Variants in DCLRE1B observed in about 807,000 individuals in gnomAD.
The protein encoded by DCLRE1B is DNA cross-link repair 1B.
DCLRE1B carries 6 observed loss-of-function variants against 19.8 expected under a neutral mutation model. The ratio of observed to expected loss-of-function variants is 0.30; its 90% CI spans 0.17 to 0.60. The LOEUF is 0.60. Ranked by LOEUF, DCLRE1B falls within the 20% of genes least tolerant of loss-of-function variation. The pLI is 0.87. For missense variants in DCLRE1B, 622 were observed against 654.2 expected (o/e 0.95, Z 0.54); for synonymous variants, 258 against 255.7 (o/e 1.01, Z -0.09).
At position 113,906,121 on chromosome 1, in the gene DCLRE1B, A is replaced by G. The variant is rs527509677; in HGVS notation, c.189+346A>G. ...GCCCAGGCTGGAGTGCAGTGGCGCA[A>G]TCTCGGCTCACTGCAGCCTCCGCCT... On this transcript the variant is annotated intron_variant, in intron 1 of 3. Coordinates refer to ENST00000650450, the MANE Select transcript of DCLRE1B (RefSeq NM_022836.4). Among the ~76,000 whole-genome samples, 792 of 133,142 alleles carry G rather than the reference A, an allele frequency of 5.9e-3. 9 individuals carry two copies. Among genetic ancestry groups the G allele is most frequent in the African/African-American group, 0.023 (754 of 33,244 alleles). The allele number at this position is 133,142 out of a possible 152,430, so 87.3% of individuals were successfully genotyped here. A position where few individuals can be genotyped will look rare whatever the true frequency, so the allele number is the denominator to read the frequency against.
intron 3 of DCLRE1B, 73 bp from the exon 4 acceptor site, chr1:113,911,058 A>G: frequency 7.2e-7 from 1 of 1,384,966 alleles, no homozygotes; most frequent in Non-Finnish European, 9.9e-7. Context: ...CATTTTGTTG[A>G]TTTATTAGGA....
At position 113,911,515 on chromosome 1, in the gene DCLRE1B, A is replaced by G. The variant is rs1199130382; in HGVS notation, c.923A>G (p.Asp308Gly). 42 of 1,614,000 alleles carry G rather than the reference A, an allele frequency of 2.6e-5. No individual in the cohort carries two copies. The highest frequency in any genetic ancestry group is 3.6e-5 in the Non-Finnish European group (42 of 1,180,006). ...CGGCGGCCCTGTGGAGGCTTTCAGG[A>G]CAGTCTGAGCCCCAGGATCTCCGTG... The part of the protein sequence containing the change: ...VSRRPCGGFQ[D>G]SLSPRISVPL... The change falls in exon 4 of 4, where the codon GAC becomes GGC. Residue 308 changes from aspartate to glycine, a missense_variant. By Grantham distance (94) the Asp-to-Gly change is moderately conservative (BLOSUM62 -1). Coordinates refer to ENST00000650450, the MANE Select transcript of DCLRE1B (RefSeq NM_022836.4).
chr1:113,913,278 G>A lies in DCLRE1B; in HGVS notation c.*1087G>A, dbSNP rs1411186646. The A allele has an allele frequency of 6.5e-6, 1 of 152,816 alleles. No homozygotes were observed. The highest frequency in any genetic ancestry group is 1.5e-5 in the Non-Finnish European group (1 of 68,078). 9.5% of individuals were successfully genotyped at this position (152,816 alleles called of 1,614,324 possible). On this transcript the variant is annotated 3_prime_UTR_variant, in exon 4 of 4. Transcript: ENST00000650450. ...CTCTGAGAGGGCACAGACTTGTGGA[G>A]CTGGGCGTCTGGATCAAAACTGCTT...
Position 113,914,049 on chromosome 1 carries a change from TC to T in DCLRE1B, c.*1859del, listed in dbSNP as rs1362392975. ...TATTCAACATTTTGTGTACTGTTTTTCTAATTACATATATTACAATGAACAA... is the reference window on the plus strand; with the variant it reads ...TATTCAACATTTTGTGTACTGTTTTTTAATTACATATATTACAATGAACAA... On this transcript the variant is annotated 3_prime_UTR_variant, in exon 4 of 4. Coordinates refer to ENST00000650450, the MANE Select transcript of DCLRE1B (RefSeq NM_022836.4). 4.6e-5 allele frequency: 7 copies of T among 152,230 alleles called. No individual in the cohort carries two copies. Among genetic ancestry groups the T allele is most frequent in the African/African-American group, 1.7e-4 (7 of 41,460 alleles). 9.4% of individuals were successfully genotyped at this position (152,230 alleles called of 1,614,324 possible).
upstream of DCLRE1B, chr1:113,905,005 G>C (rs775396400): frequency 6.4e-5 from 28 of 440,482 alleles, no homozygotes; most frequent in Non-Finnish European, 1.1e-4. Flanking sequence ...GTCCTCCGCC[G>C]GATTTCCAGC....
chr1:113,905,000 C>T (rs113338770), upstream of DCLRE1B: 443 of 446,106 alleles, frequency 9.9e-4, 1 homozygote, highest in African/African-American at 8.3e-3. Flanking sequence ...TCTAGGTCCT[C>T]CGCCGGATTT....
rs1201917818 is a variant in DCLRE1B at position 113,912,691 on chromosome 1, G to A, written c.*500G>A. ...TCTATTTTTAAAATTATGAACTATGGCGCTGCATGCTTCAATCCTGAACGT... is the reference window on the plus strand; with the variant it reads ...TCTATTTTTAAAATTATGAACTATGACGCTGCATGCTTCAATCCTGAACGT... On this transcript the variant is annotated 3_prime_UTR_variant, in exon 4 of 4. Coordinates refer to ENST00000650450, the MANE Select transcript of DCLRE1B (RefSeq NM_022836.4). 1 of 152,734 alleles carries A rather than the reference G, an allele frequency of 6.5e-6. No individual in the cohort carries two copies. Among genetic ancestry groups the A allele is most frequent in the Non-Finnish European group, 1.5e-5 (1 of 68,374 alleles). 9.5% of individuals were successfully genotyped at this position (152,734 alleles called of 1,614,324 possible). A position where few individuals can be genotyped will look rare whatever the true frequency, so the allele number is the denominator to read the frequency against.
intron 3 of DCLRE1B, 49 bp downstream of exon 3, chr1:113,908,240 A>G: frequency 6.3e-7 from 1 of 1,576,284 alleles, no homozygotes; most frequent in Non-Finnish European, 8.6e-7. Context: ...AGTGAACTAG[A>G]TTCTTTAAGG....
intron 2 of DCLRE1B, 119 bp downstream of exon 2, chr1:113,907,280 A>G: frequency 1.1e-6 from 1 of 902,994 alleles, no homozygotes; most frequent in Non-Finnish European, 1.5e-6. Flanking sequence ...CTGGTCTCAA[A>G]CTCCTGACCT....
At chr1:113,904,707 A>T (rs772403179), upstream of DCLRE1B, 1 of 1,612,338 alleles carries the variant, frequency 6.2e-7, no homozygotes, top group East Asian at 2.2e-5. Flanking sequence ...CTCGGAGCCA[A>T]GGTACGGCAT....
At chr1:113,909,047 A>G (rs1669153348) in intron 3 of DCLRE1B, among the ~76,000 whole-genome samples, 1 of 152,214 alleles carries the variant, frequency 6.6e-6, no homozygotes, top group Admixed American at 6.5e-5. Flanking sequence ...TCACCTTGCA[A>G]TATATTCTAT....
At position 113,905,751 on chromosome 1, in the gene DCLRE1B, C is replaced by T; in HGVS notation, c.165C>T (p.Ala55=). The T allele has an allele frequency of 1.2e-6, 2 of 1,613,810 alleles. No homozygotes were observed. Among genetic ancestry groups the T allele is most frequent in the East Asian group, 2.2e-5 (1 of 44,864 alleles). The part of the protein sequence containing the change: ...ARPLYCSPIT[A]HLLHRHLQVS... ...CCCTCTACTGCTCCCCAATTACAGC[C>T]CACCTCTTGCATCGTCACCTACAGG... Residue 55 remains alanine (A), a synonymous_variant, in exon 1 of 4, where the codon GCC becomes GCT. Transcript: ENST00000650450.
intron 2 of DCLRE1B, 48 bp downstream of exon 2, chr1:113,907,209 T>TTTTTTTTG (rs1350575151): frequency 5.3e-5 from 39 of 729,466 alleles, no homozygotes; most frequent in Middle Eastern, 4.0e-4. Context: ...TAGATGTTTT[T>TTTTTTTTG]TTTTTTTTTT....
intron 3 of DCLRE1B, 27 bp downstream of exon 3, chr1:113,908,218 T>C (rs971159971): frequency 6.2e-7 from 1 of 1,605,208 alleles, no homozygotes; most frequent in East Asian, 2.2e-5. Context: ...CAGTTTCCTG[T>C]CACCTGTAGA....
chr1:113,906,120 A>G (rs1306498264), intron 1 of DCLRE1B, among the ~76,000 whole-genome samples: 4 of 128,814 alleles, frequency 3.1e-5, no homozygotes, highest in South Asian at 4.7e-4. Context: ...GCAGTGGCGC[A>G]ATCTCGGCTC....
rs1669342056 is a variant in DCLRE1B at position 113,913,574 on chromosome 1, G to T, written c.*1383G>T. ...GGCACCCTGAGCAATTACTTAAATTGTGGAGCCTAGTTCCTCATCTGTAAG... is the reference window on the plus strand; with the variant it reads ...GGCACCCTGAGCAATTACTTAAATTTTGGAGCCTAGTTCCTCATCTGTAAG... On this transcript the variant is annotated 3_prime_UTR_variant, in exon 4 of 4. Transcript: ENST00000650450. The T allele has an allele frequency of 6.6e-6, 1 of 152,666 alleles. No individual in the cohort carries two copies. The highest frequency in any genetic ancestry group is 1.5e-5 in the Non-Finnish European group (1 of 68,042). The allele number at this position is 152,666 out of a possible 1,614,324, so 9.5% of individuals were successfully genotyped here. A position where few individuals can be genotyped will look rare whatever the true frequency, so the allele number is the denominator to read the frequency against.
Position 113,905,759 on chromosome 1 carries a change from T to G in DCLRE1B, c.173T>G (p.Leu58Trp). Residue 58 changes from leucine (L) to tryptophan (W), a missense_variant, in exon 1 of 4, where the codon TTG (leucine) becomes TGG (tryptophan). Leu to Trp is a moderately conservative substitution (Grantham distance 61). Around this residue, in one of 3 missense-constraint regions of DCLRE1B, gnomAD observed 237 missense variants for 223.8 expected, o/e 1.06. Transcript: ENST00000650450. ...TGCTCCCCAATTACAGCCCACCTCT[T>G]GCATCGTCACCTACAGGTATGGGGC... ...LYCSPITAHL[L>W]HRHLQVSKQW... is the part of the protein sequence containing the mutation. 1 of 1,613,526 alleles carries G rather than the reference T, an allele frequency of 6.2e-7. No homozygotes were observed. The highest frequency in any genetic ancestry group is 8.5e-7 in the Non-Finnish European group (1 of 1,179,678).
intron 3 of DCLRE1B, among the ~76,000 whole-genome samples, chr1:113,908,803 G>GCA (rs35433996): frequency 1.5e-3 from 222 of 150,828 alleles, no homozygotes; most frequent in Non-Finnish European, 2.1e-3. Context: ...ACATACGCGT[G>GCA]CACACACACA....
chr1:113,906,152 G>A (rs961762602), intron 1 of DCLRE1B, among the ~76,000 whole-genome samples: 1 of 141,964 alleles, frequency 7.0e-6, no homozygotes, highest in Non-Finnish European at 1.5e-5. Flanking sequence ...CGCCTCCCGG[G>A]TTCAAGCGAT....
Sources: gnomAD v4.1 joint callset for allele counts (sites outside exome capture counted in the v4.1 genomes callset) on GRCh38, gnomAD v4.1.1 for gene constraint, gnomAD v4.1.1 regional missense constraint, MANE v1.5 for transcripts, NCBI Gene and HGNC (gene_info 2026-07-23, HGNC 2026-07-21) for gene names.